FBN2: variants seen among roughly 807,000 people sequenced by gnomAD.
The protein encoded by FBN2 is fibrillin 2.
FBN2 carries 105 observed loss-of-function variants against 355.6 expected under a neutral mutation model. The ratio of observed to expected loss-of-function variants is 0.30; its 90% CI spans 0.25 to 0.35. The LOEUF (loss-of-function observed/expected upper bound fraction) is 0.35. Among genes scored for constraint, FBN2 ranks in the 10% least tolerant of loss-of-function variants. FBN2 has a pLI of 1.00. For missense variants in FBN2, 3,280 were observed against 3,758.7 expected, an observed-to-expected ratio of 0.87 and a Z score of 3.33; for synonymous variants, 1,350 against 1,301.2, an observed-to-expected ratio of 1.04 and a Z score of -0.81.
chr5:128,265,087 C>T (rs116777417), intron 62 of FBN2, among the ~76,000 whole-genome samples: 2,814 of 152,144 alleles, frequency 0.018, 78 homozygotes, highest in African/African-American at 0.064. Context: ...AACGTAGATA[C>T]GATAAATAAA....
At chr5:128,360,184 C>T (rs1050299518) in intron 19 of FBN2, among the ~76,000 whole-genome samples, 2 of 152,052 alleles carry the variant, frequency 1.3e-5, no homozygotes, top group Admixed American at 1.3e-4. Context: ...CCTTTGAAAT[C>T]CCTTCTTCCA....
intron 6 of FBN2, among the ~76,000 whole-genome samples, chr5:128,457,719 G>A (rs1754436858): frequency 6.6e-6 from 1 of 151,912 alleles, no homozygotes; most frequent in Non-Finnish European, 1.5e-5. Flanking sequence ...CATAAGCAAA[G>A]GGGAAATAAA....
intron 41 of FBN2, among the ~76,000 whole-genome samples, chr5:128,307,633 T>C (rs1270798656): frequency 2.0e-5 from 3 of 149,838 alleles, no homozygotes; most frequent in African/African-American, 4.9e-5. Context: ...AGAGGGGAAA[T>C]AGGTAAACAA....
At chr5:128,492,355 G>A (rs918531301) in intron 5 of FBN2, among the ~76,000 whole-genome samples, 1 of 152,126 alleles carries the variant, frequency 6.6e-6, no homozygotes, top group Non-Finnish European at 1.5e-5. Context: ...AAGGAAATGA[G>A]CCATGTAGGT....
At position 128,537,889 on chromosome 5, in the gene FBN2, A is replaced by C; in HGVS notation, c.-286T>G. ...GGTACACGTTGCATAACCGGCCTAA[A>C]GCCCCGAGCGACTCCAGGACCGTCA... On this transcript the variant is annotated 5_prime_UTR_variant, in exon 1 of 65. Transcript: ENST00000262464. 185 of 494,496 alleles carry C rather than the reference A, an allele frequency of 3.7e-4. No homozygotes were observed. Among genetic ancestry groups the C allele is most frequent in the Middle Eastern group, 1.1e-3 (2 of 1,804 alleles). The allele number at this position is 494,496 out of a possible 1,614,324, so 30.6% of individuals were successfully genotyped here. A position where few individuals can be genotyped will look rare whatever the true frequency, so the allele number is the denominator to read the frequency against.
At chr5:128,350,809 T>A in intron 21 of FBN2, 59 bp downstream of exon 21, 1 of 1,595,902 alleles carries the variant, frequency 6.3e-7, no homozygotes, top group Non-Finnish European at 8.6e-7. Flanking sequence ...GAAAGAGGTG[T>A]CCTAGTGGCA....
chr5:128,295,155 G>A (rs1347659676), intron 48 of FBN2, among the ~76,000 whole-genome samples: 3 of 147,202 alleles, frequency 2.0e-5, no homozygotes, highest in East Asian at 2.1e-4. Flanking sequence ...TAGATATGCG[G>A]CGTTATTTCT....
chr5:128,393,473 A>G (rs1752574939), intron 9 of FBN2, 105 bp from the exon 10 acceptor site: 2 of 845,078 alleles, frequency 2.4e-6, no homozygotes, highest in African/African-American at 3.3e-5. Flanking sequence ...TATACTACAC[A>G]ATATGATTAA....
At chr5:128,521,737 T>C (rs958145901) in intron 4 of FBN2, among the ~76,000 whole-genome samples, 4 of 152,156 alleles carry the variant, frequency 2.6e-5, no homozygotes, top group African/African-American at 7.2e-5. Flanking sequence ...ACACTGACTG[T>C]AACACTCAGA....
At position 128,374,664 on chromosome 5, in the gene FBN2, C is replaced by G. The variant is rs775382882; in HGVS notation, c.2059G>C (p.Gly687Arg). The G allele has an allele frequency of 6.2e-7, 1 of 1,613,960 alleles. No homozygotes were observed. Among genetic ancestry groups the G allele is most frequent in the South Asian group, 1.1e-5 (1 of 91,076 alleles). Residue 687 changes from glycine to arginine, a missense_variant, in exon 15 of 65, where the codon GGC becomes CGC. This residue lies in a region of FBN2 where 2,284 missense variants were observed against 2,749.5 expected (regional missense o/e 0.83). Coordinates refer to ENST00000262464, the MANE Select transcript of FBN2 (RefSeq NM_001999.4). ...CGTCCATCCATGCCCACAGCCAGGC[C>G]TGGGGGACAGTCACAGCGGAAGGAC... ...EGSFRCDCPP[G>R]LAVGMDGRVC...
intron 6 of FBN2, among the ~76,000 whole-genome samples, chr5:128,456,140 A>C (rs1465339978): frequency 6.6e-6 from 1 of 151,908 alleles, no homozygotes. Flanking sequence ...CTTGGTCCCA[A>C]GACTTGTCCT....
At chr5:128,295,717 C>A (rs1333524054) in intron 48 of FBN2, among the ~76,000 whole-genome samples, 4 of 128,792 alleles carry the variant, frequency 3.1e-5, no homozygotes, top group African/African-American at 1.3e-4. Flanking sequence ...AGTTGCTTAT[C>A]AGCTTAAGGA....
chr5:128,293,108 A>ATGTGTACACATATCTATGTC (rs1425958746), intron 48 of FBN2, among the ~76,000 whole-genome samples: 2 of 152,196 alleles, frequency 1.3e-5, no homozygotes, highest in African/African-American at 4.8e-5. Context: ...TGTGCAGGGT[A>ATGTGTACACATATCTATGTC]TGTGTACACA....
intron 11 of FBN2, among the ~76,000 whole-genome samples, chr5:128,384,130 C>T (rs1752308109): frequency 6.6e-6 from 1 of 151,982 alleles, no homozygotes; most frequent in Admixed American, 6.6e-5. Context: ...ATTTTTCCCA[C>T]CACAACACAG....
intron 5 of FBN2, 62 bp from the exon 6 acceptor site, chr5:128,464,983 G>A (rs1754670421): frequency 2.8e-6 from 4 of 1,434,556 alleles, no homozygotes; most frequent in South Asian, 2.3e-5. Context: ...TTATACCAGT[G>A]CCTCCAAATG....
Position 128,394,977 on chromosome 5 carries a change from G to A in FBN2, c.1231+145C>T, listed in dbSNP as rs1051318606. Reference sequence around the variant, plus strand: ...ATTTTTGTATTTTTTGTAGAGACAGGATTTCGCCATGTTGCCCAGGCTGGT... The same window carrying A: ...ATTTTTGTATTTTTTGTAGAGACAGAATTTCGCCATGTTGCCCAGGCTGGT... On this transcript the variant is annotated intron_variant, in intron 9 of 64. Coordinates refer to ENST00000262464, the MANE Select transcript of FBN2 (RefSeq NM_001999.4). 2.9e-5 allele frequency: 24 copies of A among 840,126 alleles called. No individual in the cohort carries two copies. In the African/African-American group the frequency reaches 3.5e-4, roughly 12 times the overall value. 52.0% of individuals were successfully genotyped at this position (840,126 alleles called of 1,614,324 possible).
chr5:128,524,126 A>G (rs1170801722), intron 4 of FBN2, among the ~76,000 whole-genome samples: 1 of 151,870 alleles, frequency 6.6e-6, no homozygotes, highest in African/African-American at 2.4e-5. Context: ...CCCTTTCCCC[A>G]CTTTACTCCA....
chr5:128,352,572 T>C lies in FBN2; in HGVS notation c.2675-1567A>G, dbSNP rs543333691. Among the ~76,000 whole-genome samples the C allele has an allele frequency of 6.6e-5, 10 of 152,362 alleles. No homozygotes were observed. The South Asian group carries it at 1.9e-3, about 28-fold the overall frequency. ...ATAAGGAATCCAGTCAAAGCTGATATAGCAAATACTAATTGGCTAAAACAA... is the reference window on the plus strand; with the variant it reads ...ATAAGGAATCCAGTCAAAGCTGATACAGCAAATACTAATTGGCTAAAACAA... On this transcript the variant is annotated intron_variant, in intron 20 of 64. Transcript: ENST00000262464.
Position 128,374,747 on chromosome 5 carries a change from A to T in FBN2, c.1976T>A (p.Val659Asp). ...LAPNGRYCTD[V>D]DECQTPGICM... ...GATTCCTGGGGTCTGGCATTCATCA[A>T]CATCTGTGCAGTGGGTGACAGAAGC... The change falls in exon 15 of 65, where the codon GTT (valine) becomes GAT (aspartate). Residue 659 changes from valine (V) to aspartate (D), a missense_variant. Transcript: ENST00000262464. 1 of 1,613,874 alleles carries T rather than the reference A, an allele frequency of 6.2e-7. No homozygotes were observed. The highest frequency in any genetic ancestry group is 8.5e-7 in the Non-Finnish European group (1 of 1,179,846).
Sources: gnomAD v4.1 joint callset for allele counts (sites outside exome capture counted in the v4.1 genomes callset) on GRCh38, gnomAD v4.1.1 for gene constraint, gnomAD v4.1.1 regional missense constraint, MANE v1.5 for transcripts, NCBI Gene and HGNC (gene_info 2026-07-23, HGNC 2026-07-21) for gene names.